The following CSMD1 variants were observed in gnomAD, a reference collection of about 807,000 sequenced individuals.
CSMD1 encodes the protein CUB and sushi domain-containing protein 1.
Under a neutral mutation model 417.5 loss-of-function variants are expected in CSMD1, and 213 were observed. The ratio of observed to expected loss-of-function variants is 0.51; its 90% CI spans 0.46 to 0.57. The LOEUF (loss-of-function observed/expected upper bound fraction) is 0.57. Ranked by LOEUF, CSMD1 falls within the 20% of genes least tolerant of loss-of-function variation. The pLI is 0.00. For synonymous variants in CSMD1, 2,862 were observed against 1,736.8 expected (o/e 1.65, Z -16.11); for missense variants, 6,923 against 4,529.7 (o/e 1.53, Z -15.17).
intron 26 of CSMD1, among the ~76,000 whole-genome samples, chr8:3,258,213 A>C (rs1306376921): frequency 6.6e-6 from 1 of 152,232 alleles, no homozygotes; most frequent in African/African-American, 2.4e-5. Context: ...AAAAATGTCT[A>C]ATATCCAGCA....
intron 11 of CSMD1, among the ~76,000 whole-genome samples, chr8:3,493,312 A>AG (rs35321077): frequency 4.0e-5 from 5 of 126,342 alleles, no homozygotes; most frequent in South Asian, 2.5e-4. Flanking sequence ...AAAAAAAAAA[A>AG]GGGGGGGCGG....
chr8:3,502,000 G>C (rs537287960), intron 10 of CSMD1, among the ~76,000 whole-genome samples: 21 of 152,260 alleles, frequency 1.4e-4, no homozygotes, highest in African/African-American at 5.1e-4. Flanking sequence ...AGTCACTTTG[G>C]AAGATACTTT....
intron 3 of CSMD1, among the ~76,000 whole-genome samples, chr8:4,320,565 G>T (rs1799215282): frequency 6.6e-6 from 1 of 151,794 alleles, no homozygotes; most frequent in Non-Finnish European, 1.5e-5. Context: ...GTGTCCATGT[G>T]TTCTCTTTGT....
At chr8:3,369,909 C>T (rs1188090589) in intron 18 of CSMD1, among the ~76,000 whole-genome samples, 1 of 152,186 alleles carries the variant, frequency 6.6e-6, no homozygotes, top group African/African-American at 2.4e-5. Flanking sequence ...TTCTCACTAG[C>T]TCTGTGATCT....
chr8:3,999,654 C>T (rs1815504229), intron 4 of CSMD1, among the ~76,000 whole-genome samples: 3 of 152,106 alleles, frequency 2.0e-5, no homozygotes, highest in African/African-American at 4.8e-5. Flanking sequence ...ATCCTTCCTA[C>T]GGGATGCCAG....
chr8:4,118,875 A>G (rs1222361852), intron 3 of CSMD1, among the ~76,000 whole-genome samples: 3 of 152,236 alleles, frequency 2.0e-5, no homozygotes, highest in Admixed American at 2.0e-4. Flanking sequence ...GGATAAAGAA[A>G]TGTGGCACAT....
chr8:3,103,548 G>T (rs928451625), intron 46 of CSMD1, among the ~76,000 whole-genome samples: 2 of 152,024 alleles, frequency 1.3e-5, no homozygotes, highest in Non-Finnish European at 2.9e-5. Flanking sequence ...TACTGCAACT[G>T]CTAGACGTCA....
intron 3 of CSMD1, among the ~76,000 whole-genome samples, chr8:4,323,402 C>T (rs911665268): frequency 2.0e-5 from 3 of 152,110 alleles, no homozygotes; most frequent in Non-Finnish European, 4.4e-5. Context: ...ATTTCACAGC[C>T]TTGTTCCATG....
rs188176196 is a variant in CSMD1, at chr8:4,849,136, G to C, written c.85+145196C>G. 1.1e-4 allele frequency among the ~76,000 whole-genome samples: 16 copies of C among 152,192 alleles called. No homozygotes were observed. In the East Asian group the frequency reaches 2.7e-3, roughly 26 times the overall value. ...ACCTTGTGTAAGTCTAGGCTAATGT[G>C]CGTTTGTGTCTTAGCTTTTAACAAA... On this transcript the variant is annotated intron_variant, in intron 1 of 69. Transcript: ENST00000635120.
At chr8:4,468,472 G>C (rs542339253) in intron 2 of CSMD1, among the ~76,000 whole-genome samples, 2 of 152,172 alleles carry the variant, frequency 1.3e-5, no homozygotes, top group South Asian at 2.1e-4. Flanking sequence ...TTAAGCTCTT[G>C]ATATACCAAC....
chr8:4,946,737 C>A (rs1808394951), intron 1 of CSMD1, among the ~76,000 whole-genome samples: 1 of 152,168 alleles, frequency 6.6e-6, no homozygotes, highest in African/African-American at 2.4e-5. Flanking sequence ...GTGTACAGTT[C>A]AGCATCAGTA....
At chr8:3,086,925 T>C (rs528038572) in intron 49 of CSMD1, among the ~76,000 whole-genome samples, 172 bp downstream of exon 49, 1 of 152,218 alleles carries the variant, frequency 6.6e-6, no homozygotes, top group Non-Finnish European at 1.5e-5. Flanking sequence ...TACAACTACA[T>C]GTCAGGAAAG....
At chr8:3,928,181 G>A (rs558156108) in intron 5 of CSMD1, among the ~76,000 whole-genome samples, 15 of 152,218 alleles carry the variant, frequency 9.9e-5, no homozygotes, top group African/African-American at 3.4e-4. Context: ...GCTCAGAAAA[G>A]AACATGAGAA....
intron 37 of CSMD1, among the ~76,000 whole-genome samples, chr8:3,166,414 G>C (rs1256920422): frequency 6.6e-6 from 1 of 151,978 alleles, no homozygotes; most frequent in Non-Finnish European, 1.5e-5. Flanking sequence ...TGCACCTGTA[G>C]TCCCACCTAC....
intron 10 of CSMD1, among the ~76,000 whole-genome samples, chr8:3,520,233 G>A (rs377614278): frequency 1.3e-5 from 2 of 151,880 alleles, no homozygotes; most frequent in East Asian, 1.9e-4. Context: ...TAGATAAGTT[G>A]ATTATAGGTT....
At chr8:3,275,586 C>CT (rs1802221433) in intron 26 of CSMD1, among the ~76,000 whole-genome samples, 1 of 152,214 alleles carries the variant, frequency 6.6e-6, no homozygotes, top group African/African-American at 2.4e-5. Flanking sequence ...TAGATTCAGT[C>CT]TTTTCACATA....
chr8:4,134,907 T>C (rs1220884213), intron 3 of CSMD1, among the ~76,000 whole-genome samples: 2 of 152,202 alleles, frequency 1.3e-5, no homozygotes, highest in Admixed American at 6.5e-5. Flanking sequence ...CTTTCAATTA[T>C]CTAGTTTTTG....
At chr8:4,295,047 T>C (rs1797583017) in intron 3 of CSMD1, among the ~76,000 whole-genome samples, 2 of 147,982 alleles carry the variant, frequency 1.4e-5, no homozygotes, top group Non-Finnish European at 3.0e-5. Flanking sequence ...ATGTATATAT[T>C]ATACACATAT....
chr8:3,189,406 T>C (rs1796279794), intron 34 of CSMD1, among the ~76,000 whole-genome samples: 2 of 152,204 alleles, frequency 1.3e-5, no homozygotes. Context: ...TATGAGCAAA[T>C]TCAAGAGAAG....
Sources: allele counts gnomAD v4.1 joint callset (sites outside exome capture counted in the v4.1 genomes callset), GRCh38; gene constraint gnomAD v4.1.1; transcripts MANE v1.5; gene names NCBI Gene and HGNC (gene_info 2026-07-23, HGNC 2026-07-21).